The following PTAR1 variants were observed in gnomAD, a reference collection of about 807,000 sequenced individuals.
PTAR1 encodes the protein protein prenyltransferase alpha subunit repeat-containing protein 1.
In PTAR1, 17 loss-of-function variants were observed where a neutral mutation model predicts 45.5. The ratio of observed to expected loss-of-function variants is 0.37; its 90% confidence interval spans 0.26 to 0.56. The LOEUF is 0.56. PTAR1 is among the 20% of genes least tolerant of loss of function. PTAR1 has a pLI of 0.77. For missense variants in PTAR1, 391 were observed against 476.3 expected, an observed-to-expected ratio of 0.82 and a Z score of 1.67; for synonymous variants, 169 against 171.3, an observed-to-expected ratio of 0.99 and a Z score of 0.11.
intron 1 of PTAR1, among the ~76,000 whole-genome samples, chr9:69,751,271 T>G (rs906147117): frequency 5.9e-5 from 9 of 151,926 alleles, no homozygotes; most frequent in African/African-American, 1.9e-4. Flanking sequence ...CCAAAATATG[T>G]GAATCAGATG....
In PTAR1 at chr9:69,759,857, G is replaced by C; in HGVS notation, c.82C>G (p.His28Asp). ...DITNAFRRNP[H>D]IDEIGLIPCP... ...CGGCGGAGGCGCGCGACTCACATGT[G>C]TGGGTTCCTCCTGAAGGCGTTAGTG... The change falls in exon 1 of 8, where the codon CAC (histidine) becomes GAC (aspartate). Residue 28 changes from histidine (H) to aspartate (D), a missense_variant. Physicochemically the swap from His to Asp is moderately conservative, Grantham distance 81. Around this residue, in one of 5 missense-constraint regions of PTAR1, gnomAD observed 152 missense variants for 160.0 expected, o/e 0.95. Transcript: ENST00000340434. The C allele has an allele frequency of 1.3e-6, 2 of 1,525,682 alleles. No individual in the cohort carries two copies. Among genetic ancestry groups the C allele is most frequent in the Non-Finnish European group, 1.8e-6 (2 of 1,135,774 alleles). The allele number at this position is 1,525,682 out of a possible 1,614,324, so 94.5% of individuals were successfully genotyped here. A position where few individuals can be genotyped will look rare whatever the true frequency, so the allele number is the denominator to read the frequency against.
intron 2 of PTAR1, among the ~76,000 whole-genome samples, chr9:69,749,925 C>G (rs1826447761): frequency 6.6e-6 from 1 of 152,020 alleles, no homozygotes; most frequent in African/African-American, 2.4e-5. Context: ...CTAAAATTCT[C>G]TAGGAAACAA....
At chr9:69,720,903 G>A (rs565258298) in intron 6 of PTAR1, among the ~76,000 whole-genome samples, 23 of 152,216 alleles carry the variant, frequency 1.5e-4, no homozygotes, top group African/African-American at 3.6e-4. Context: ...ATATTACTGC[G>A]CATTGACTAT....
At chr9:69,739,557 T>C (rs544266949) in intron 3 of PTAR1, among the ~76,000 whole-genome samples, 2 of 152,298 alleles carry the variant, frequency 1.3e-5, no homozygotes, top group East Asian at 1.9e-4. Flanking sequence ...TAGACGTCTA[T>C]TGCATTATTC....
At chr9:69,759,155 G>A (rs1474269428) in intron 1 of PTAR1, among the ~76,000 whole-genome samples, 1 of 152,130 alleles carries the variant, frequency 6.6e-6, no homozygotes, top group Non-Finnish European at 1.5e-5. Context: ...CGTTAAAGAG[G>A]GCAGCAGTGT....
At chr9:69,727,382 G>A (rs1825338217) in intron 5 of PTAR1, among the ~76,000 whole-genome samples, 1 of 152,010 alleles carries the variant, frequency 6.6e-6, no homozygotes, top group East Asian at 1.9e-4. Context: ...CTTGTTTAGA[G>A]TCCACCTACA....
Position 69,714,836 on chromosome 9 carries a change from A to T in PTAR1, c.*3506T>A, listed in dbSNP as rs1311858745. On this transcript the variant is annotated 3_prime_UTR_variant, in exon 8 of 8. Transcript: ENST00000340434. ...AAATGCTAAAATCTACAGAAGACAAAGGGGACATTAATACATATCAAATCC... is the reference window on the plus strand; with the variant it reads ...AAATGCTAAAATCTACAGAAGACAATGGGGACATTAATACATATCAAATCC... 1 of 152,130 alleles carries T rather than the reference A, an allele frequency of 6.6e-6. No individual in the cohort carries two copies. Among genetic ancestry groups the T allele is most frequent in the Non-Finnish European group, 1.5e-5 (1 of 68,000 alleles). The allele number at this position is 152,130 out of a possible 1,614,324, so 9.4% of individuals were successfully genotyped here. A position where few individuals can be genotyped will look rare whatever the true frequency, so the allele number is the denominator to read the frequency against.
chr9:69,737,312 C>T (rs189181063), intron 3 of PTAR1, among the ~76,000 whole-genome samples: 2 of 152,254 alleles, frequency 1.3e-5, no homozygotes, highest in Non-Finnish European at 2.9e-5. Flanking sequence ...AACTTCTGAG[C>T]TCAAGCAATC....
chr9:69,729,226 A>G (rs1825423926), intron 5 of PTAR1, among the ~76,000 whole-genome samples: 1 of 152,186 alleles, frequency 6.6e-6, no homozygotes, highest in Non-Finnish European at 1.5e-5. Context: ...AGGCTGAGGC[A>G]GGAGAATCGC....
intron 2 of PTAR1, among the ~76,000 whole-genome samples, chr9:69,746,716 G>C (rs1026554004): frequency 1.3e-5 from 2 of 152,030 alleles, no homozygotes; most frequent in African/African-American, 4.8e-5. Flanking sequence ...AAGAAATCAG[G>C]GCACATTATA....
At chr9:69,750,122 T>C (rs947198072) in intron 2 of PTAR1, among the ~76,000 whole-genome samples, 3 of 151,758 alleles carry the variant, frequency 2.0e-5, no homozygotes, top group Non-Finnish European at 2.9e-5. Flanking sequence ...AGGCTTAATA[T>C]GGCAGAACAC....
At chr9:69,757,268 T>C (rs1437116294) in intron 1 of PTAR1, 1 of 152,234 alleles carries the variant, frequency 6.6e-6, no homozygotes, top group East Asian at 1.9e-4. Flanking sequence ...AGGTCAAGTT[T>C]TCAGTTTTAG....
At position 69,717,383 on chromosome 9, in the gene PTAR1, T is replaced by C. The variant is rs1824771558; in HGVS notation, c.*959A>G. On this transcript the variant is annotated 3_prime_UTR_variant, in exon 8 of 8. Coordinates refer to ENST00000340434, the MANE Select transcript of PTAR1 (RefSeq NM_001099666.2). ...AAAAAAAAATCAATTTTATAAGGACTGATGTGTTTTGGCATATACCAAATT... is the reference window on the plus strand; with the variant it reads ...AAAAAAAAATCAATTTTATAAGGACCGATGTGTTTTGGCATATACCAAATT... The C allele has an allele frequency of 6.6e-6, 1 of 152,210 alleles. No homozygotes were observed. The highest frequency in any genetic ancestry group is 6.5e-5 in the Admixed American group (1 of 15,268). 9.4% of individuals were successfully genotyped at this position (152,210 alleles called of 1,614,324 possible).
intron 3 of PTAR1, among the ~76,000 whole-genome samples, chr9:69,738,405 T>A (rs984940883): frequency 1.3e-5 from 2 of 152,158 alleles, no homozygotes; most frequent in Non-Finnish European, 2.9e-5. Context: ...AAATACAGAG[T>A]TATGCTCTAC....
At position 69,712,441 on chromosome 9, in the gene PTAR1, T is replaced by G. The variant is rs536789359; in HGVS notation, c.*5901A>C. 31 of 152,304 alleles carry G rather than the reference T, an allele frequency of 2.0e-4. No homozygotes were observed. Among genetic ancestry groups the G allele is most frequent in the African/African-American group, 7.5e-4 (31 of 41,570 alleles). The allele number at this position is 152,304 out of a possible 1,614,324, so 9.4% of individuals were successfully genotyped here. On this transcript the variant is annotated 3_prime_UTR_variant, in exon 8 of 8. Transcript: ENST00000340434. ...AATCCTTTGTAAATTTCACTTGCAA[T>G]GTTGTGCAACTGTATATCTTTGCCT...
intron 2 of PTAR1, among the ~76,000 whole-genome samples, chr9:69,750,084 C>T (rs1474465842): frequency 6.6e-6 from 1 of 151,302 alleles, no homozygotes; most frequent in Non-Finnish European, 1.5e-5. Flanking sequence ...GGTGGGCATA[C>T]AATGATAAAC....
chr9:69,750,864 C>T lies in PTAR1; in HGVS notation c.173G>A (p.Ser58Asn). ...VLVENKLGVE[S>N]WCVKFLLPYV... ...TGGTAAAAGGAACTTGACACACCAG[C>T]TCTCCACACCCAGTTTGTTTTCAAC... The change falls in exon 2 of 8, where the codon AGC (serine) becomes AAC (asparagine). Residue 58 changes from serine (S) to asparagine (N), a missense_variant. Physicochemically the swap from Ser to Asn is conservative, Grantham distance 46 (BLOSUM62 1). Coordinates refer to ENST00000340434, the MANE Select transcript of PTAR1 (RefSeq NM_001099666.2). 1.9e-6 allele frequency: 3 copies of T among 1,610,402 alleles called. No homozygotes were observed. Among genetic ancestry groups the T allele is most frequent in the East Asian group, 2.2e-5 (1 of 44,830 alleles).
chr9:69,748,263 T>C (rs373321735), intron 2 of PTAR1, among the ~76,000 whole-genome samples: 1 of 151,776 alleles, frequency 6.6e-6, no homozygotes, highest in Non-Finnish European at 1.5e-5. Flanking sequence ...TCCTGAAGAG[T>C]TGCACCAGAG....
chr9:69,743,041 C>T (rs952814295), intron 2 of PTAR1, among the ~76,000 whole-genome samples: 3 of 152,070 alleles, frequency 2.0e-5, no homozygotes, highest in Admixed American at 6.5e-5. Context: ...GGCAACCCTA[C>T]CAAGCTCTTA....
Sources: allele counts gnomAD v4.1 joint callset (sites outside exome capture counted in the v4.1 genomes callset), GRCh38; gene constraint gnomAD v4.1.1; regional missense constraint gnomAD v4.1.1; transcripts MANE v1.5; gene names NCBI Gene and HGNC (gene_info 2026-07-23, HGNC 2026-07-21).